Variants in MYO9A observed in about 807,000 individuals in gnomAD.
MYO9A encodes myosin IXA.
A neutral mutation model predicts 293.3 loss-of-function variants in MYO9A; 103 were observed. That is an observed-to-expected ratio of 0.35 (90% CI 0.30 to 0.41). The LOEUF (loss-of-function observed/expected upper bound fraction) is 0.41, where lower values mean the gene tolerates loss of function less well. Among genes scored for constraint, MYO9A ranks in the 10% least tolerant of loss-of-function variants. MYO9A has a pLI of 1.00. For synonymous variants in MYO9A, 1,001 were observed against 1,035.7 expected, an observed-to-expected ratio of 0.97 and a Z score of 0.64; for missense variants, 2,685 against 3,033.0, an observed-to-expected ratio of 0.89 and a Z score of 2.69.
chr15:71,898,259 T>C lies in MYO9A; in HGVS notation c.4244A>G (p.Asn1415Ser), dbSNP rs2057388046. 1.9e-6 allele frequency: 3 copies of C among 1,614,050 alleles called. No individual in the cohort carries two copies. The highest frequency in any genetic ancestry group is 3.3e-5 in the Admixed American group (2 of 59,994). Residue 1415 changes from asparagine to serine, a missense_variant, in exon 25 of 42, where the codon AAT becomes AGT. Asn to Ser is a conservative substitution (Grantham distance 46, BLOSUM62 1). Around this residue, in one of 10 missense-constraint regions of MYO9A, gnomAD observed 1,434 missense variants for 1,497.7 expected, o/e 0.96. Coordinates refer to ENST00000356056, the MANE Select transcript of MYO9A (RefSeq NM_006901.4). The stretch of plus-strand genomic sequence containing the variant: ...GATATAAAAAAAAGTAGGTAGACTA[T>C]TTGAAATGAAGGAGTCTTTCAGCTG... ...KPQLKDSFISNSLPTFFYIPQ... is the reference protein window; with the variant it reads ...KPQLKDSFISSSLPTFFYIPQ...
Position 72,077,418 on chromosome 15 carries a change from G to A in MYO9A, c.-71-30784C>T, listed in dbSNP as rs1043025777. 4.6e-5 allele frequency among the ~76,000 whole-genome samples: 7 copies of A among 151,966 alleles called. No individual in the cohort carries two copies. In the South Asian group the frequency reaches 6.2e-4, roughly 14 times the overall value. On this transcript the variant is annotated intron_variant, in intron 1 of 41. Coordinates refer to ENST00000356056, the MANE Select transcript of MYO9A (RefSeq NM_006901.4). Reference sequence around the variant, plus strand: ...AAAATATACCTTAAAGATGCCGGGCGCCATGGCTCACATCTGTAATCCTAG... The same window carrying A: ...AAAATATACCTTAAAGATGCCGGGCACCATGGCTCACATCTGTAATCCTAG...
rs781621342 is a variant in MYO9A at position 71,956,859 on chromosome 15, AAATAT to A, written c.2182+3037_2182+3041del. Among the ~76,000 whole-genome samples the A allele has an allele frequency of 5.8e-3, 516 of 89,208 alleles. 2 individuals carry two copies. Among genetic ancestry groups the A allele is most frequent in the South Asian group, 0.024 (54 of 2,236 alleles). The allele number at this position is 89,208 out of a possible 152,430, so 58.5% of individuals were successfully genotyped here. On this transcript the variant is annotated intron_variant, in intron 14 of 41. Coordinates refer to ENST00000356056, the MANE Select transcript of MYO9A (RefSeq NM_006901.4). ...TATACACACACACACACACACACAC[AAATAT>A]ATATATATATATATATATATCTTAA... is the stretch of plus-strand genomic sequence containing the variant.
intron 1 of MYO9A, among the ~76,000 whole-genome samples, chr15:72,077,752 A>ATAT (rs1156518210): frequency 2.3e-4 from 17 of 72,456 alleles, no homozygotes; most frequent in African/African-American, 1.2e-3. Flanking sequence ...AAAAAAAAAA[A>ATAT]ATATATATAT....
intron 15 of MYO9A, among the ~76,000 whole-genome samples, chr15:71,946,805 A>G (rs1224345175): frequency 6.6e-6 from 1 of 152,160 alleles, no homozygotes; most frequent in Admixed American, 6.5e-5. Flanking sequence ...TATCAACTTC[A>G]TTGTTCTTTT....
chr15:72,101,073 T>G (rs1410255287), intron 1 of MYO9A, among the ~76,000 whole-genome samples: 116 of 67,392 alleles, frequency 1.7e-3, no homozygotes, highest in African/African-American at 2.0e-3. Flanking sequence ...AGGTGGGGGG[T>G]TCAGCCCCCC....
At chr15:71,956,326 A>ATATATATATAT (rs1371050523) in intron 14 of MYO9A, among the ~76,000 whole-genome samples, 8 of 9,882 alleles carry the variant, frequency 8.1e-4, no homozygotes, top group Non-Finnish European at 9.9e-4. Flanking sequence ...AAAAAAAAAA[A>ATATATATATAT]AAAAATATAT....
chr15:71,908,322 G>A (rs894046252), intron 19 of MYO9A, among the ~76,000 whole-genome samples: 1 of 152,062 alleles, frequency 6.6e-6, no homozygotes, highest in African/African-American at 2.4e-5. Context: ...TTTGGTACCC[G>A]GCTAATTTTT....
chr15:71,860,996 C>CAAAAAAAAAAAAAAAAAAAAAAAAAA (rs2056099523), intron 33 of MYO9A, among the ~76,000 whole-genome samples: 2 of 99,264 alleles, frequency 2.0e-5, no homozygotes, highest in Non-Finnish European at 4.1e-5. Context: ...AAAAAAAAAT[C>CAAAAAAAAAAAAAAAAAAAAAAAAAA]AAACCAGCCC....
intron 12 of MYO9A, 123 bp downstream of exon 12, chr15:71,978,036 CAAAAATAAATAA>C: frequency 9.5e-7 from 1 of 1,054,476 alleles, no homozygotes; most frequent in Non-Finnish European, 1.4e-6. Flanking sequence ...GACTCCGTCT[CAAAAATAAATAA>C]AAAAATAAAT....
At chr15:71,991,260 G>T in intron 10 of MYO9A, 23 bp from the exon 11 acceptor site, 1 of 1,538,102 alleles carries the variant, frequency 6.5e-7, no homozygotes, top group South Asian at 1.2e-5. Context: ...AGAAAGTTTT[G>T]ATTAAAAGTA....
chr15:72,010,918 G>C (rs2077153345), intron 6 of MYO9A, among the ~76,000 whole-genome samples: 1 of 152,048 alleles, frequency 6.6e-6, no homozygotes, highest in Non-Finnish European at 1.5e-5. Flanking sequence ...TTTTAGAAGA[G>C]GCAATAATTT....
At chr15:71,869,635 C>T (rs1273536264) in intron 32 of MYO9A, among the ~76,000 whole-genome samples, 2 of 152,186 alleles carry the variant, frequency 1.3e-5, no homozygotes, top group East Asian at 1.9e-4. Flanking sequence ...TTCTATAACA[C>T]TGCAATTATA....
At chr15:72,098,828 A>G (rs1477282640) in intron 1 of MYO9A, among the ~76,000 whole-genome samples, 2 of 152,086 alleles carry the variant, frequency 1.3e-5, no homozygotes, top group Non-Finnish European at 2.9e-5. Context: ...AAAACAAAAC[A>G]AAACAAAACA....
chr15:71,893,685 T>C lies in MYO9A; in HGVS notation c.5136A>G (p.Gln1712=), dbSNP rs768741776. ...WKPVKLAGPG[Q]RETSQRFSSV... The stretch of plus-strand genomic sequence containing the variant: ...ACAAAAACTCAAAACTTACCTCTCT[T>C]TGGCCTGGCCCAGCTAACTTCACAG... The change falls in exon 26 of 42, where the codon CAA becomes CAG. Residue 1712 remains glutamine, a synonymous_variant. Transcript: ENST00000356056. 8 of 1,613,060 alleles carry C rather than the reference T, an allele frequency of 5.0e-6. No homozygotes were observed. Among genetic ancestry groups the C allele is most frequent in the Non-Finnish European group, 6.8e-6 (8 of 1,179,154 alleles).
chr15:72,052,411 G>A (rs1035242229), intron 1 of MYO9A, among the ~76,000 whole-genome samples: 1 of 152,164 alleles, frequency 6.6e-6, no homozygotes, highest in Admixed American at 6.5e-5. Context: ...CCACTTGTCC[G>A]TGTACCTCGT....
intron 16 of MYO9A, among the ~76,000 whole-genome samples, chr15:71,937,792 C>T (rs1055199443): frequency 1.6e-4 from 24 of 152,084 alleles, no homozygotes; most frequent in African/African-American, 5.6e-4. Flanking sequence ...ATTGCGGTTT[C>T]TTTTTTATAT....
chr15:72,091,653 C>T (rs1476151596), intron 1 of MYO9A, among the ~76,000 whole-genome samples: 1 of 152,016 alleles, frequency 6.6e-6, no homozygotes, highest in Non-Finnish European at 1.5e-5. Context: ...GCCAATTACA[C>T]AGAACACAAC....
chr15:71,963,624 A>C (rs2075799870), intron 13 of MYO9A, among the ~76,000 whole-genome samples: 2 of 151,406 alleles, frequency 1.3e-5, no homozygotes, highest in East Asian at 3.9e-4. Flanking sequence ...CTAATTTTCT[A>C]TTTTTTTAGT....
chr15:72,087,592 AG>A (rs957141247), intron 1 of MYO9A, among the ~76,000 whole-genome samples: 4 of 152,242 alleles, frequency 2.6e-5, no homozygotes, highest in Non-Finnish European at 5.9e-5. Flanking sequence ...AGCCTTGTGC[AG>A]GGTTCCCAGG....
Sources: allele counts gnomAD v4.1 joint callset (sites outside exome capture counted in the v4.1 genomes callset), GRCh38; gene constraint gnomAD v4.1.1; regional missense constraint gnomAD v4.1.1; transcripts MANE v1.5; gene names NCBI Gene and HGNC (gene_info 2026-07-23, HGNC 2026-07-21).